The following ACOXL variants were observed in gnomAD, a reference collection of about 807,000 sequenced individuals.
ACOXL encodes acyl-coenzyme A oxidase-like protein.
ACOXL carries 70 observed loss-of-function variants against 71.9 expected under a neutral mutation model. The observed-to-expected ratio is 0.97, with a 90% CI of 0.80 to 1.19. The LOEUF (loss-of-function observed/expected upper bound fraction) is 1.19, where lower values mean the gene tolerates loss of function less well. ACOXL is among the 50% of genes most tolerant of loss of function. ACOXL has a pLI of 0.00. For synonymous variants in ACOXL, 253 were observed against 281.6 expected, an observed-to-expected ratio of 0.90 and a Z score of 1.02; for missense variants, 703 against 736.3, an observed-to-expected ratio of 0.95 and a Z score of 0.52.
chr2:110,784,781 T>C lies in ACOXL; in HGVS notation c.125T>C (p.Val42Ala). ...FVSRSLVIGE[V>A]LSMADMATGV... ...AGCCGAAGCCTTGTCATAGGAGAAGTCCTCTCCATGGCGGACATGGCCACA... is the reference window on the plus strand; with the variant it reads ...AGCCGAAGCCTTGTCATAGGAGAAGCCCTCTCCATGGCGGACATGGCCACA... Residue 42 changes from valine to alanine, a missense_variant, in exon 3 of 18, where the codon GTC becomes GCC. Coordinates refer to ENST00000439055, the MANE Select transcript of ACOXL (RefSeq NM_001142807.4). 1 of 1,609,166 alleles carries C rather than the reference T, an allele frequency of 6.2e-7. No homozygotes were observed. The highest frequency in any genetic ancestry group is 8.5e-7 in the Non-Finnish European group (1 of 1,178,300).
chr2:110,755,031 ATCTC>A (rs768618592), intron 1 of ACOXL, among the ~76,000 whole-genome samples: 30 of 151,400 alleles, frequency 2.0e-4, no homozygotes, highest in Non-Finnish European at 3.8e-4. Flanking sequence ...TCCTAGAGAG[ATCTC>A]TCTCTCTCTC....
chr2:110,968,918 G>C (rs369891578), intron 12 of ACOXL, among the ~76,000 whole-genome samples: 2 of 151,930 alleles, frequency 1.3e-5, no homozygotes, highest in East Asian at 1.9e-4. Flanking sequence ...CTGTATCCTG[G>C]GCCATTAAAA....
intron 14 of ACOXL, among the ~76,000 whole-genome samples, chr2:111,017,061 C>T (rs4848367): frequency 0.9 from 136,767 of 152,232 alleles, 61,695 homozygotes; most frequent in African/African-American, 0.97. Flanking sequence ...TGACATTTTC[C>T]AGCTTACCCT....
intron 2 of ACOXL, among the ~76,000 whole-genome samples, chr2:110,772,769 C>G (rs73956441): frequency 0.014 from 2,167 of 152,302 alleles, 55 homozygotes; most frequent in African/African-American, 0.046. Context: ...CCCCAATACC[C>G]TTTCAGGTGC....
chr2:110,846,879 C>T (rs937046569), intron 10 of ACOXL, among the ~76,000 whole-genome samples: 4 of 152,106 alleles, frequency 2.6e-5, no homozygotes, highest in African/African-American at 4.8e-5. Context: ...CATCATATTT[C>T]GATGGTGTAA....
At chr2:110,847,136 G>A (rs541474102) in intron 10 of ACOXL, among the ~76,000 whole-genome samples, 14 of 152,002 alleles carry the variant, frequency 9.2e-5, no homozygotes, top group African/African-American at 3.4e-4. Context: ...CAGCTCTCGG[G>A]GCCCCATCAC....
intron 12 of ACOXL, among the ~76,000 whole-genome samples, chr2:110,949,966 G>A (rs1020094575): frequency 6.6e-6 from 1 of 152,090 alleles, no homozygotes; most frequent in Admixed American, 6.5e-5. Context: ...GTTAATGAAT[G>A]TTCTACACTT....
At chr2:111,031,540 A>C in intron 14 of ACOXL, 87 bp from the exon 15 acceptor site, 1 of 1,244,156 alleles carries the variant, frequency 8.0e-7, no homozygotes, top group Non-Finnish European at 1.2e-6. Context: ...AGTACTGAAA[A>C]TTTGGATGTT....
At chr2:111,096,224 A>AATTATTATTATTATTATT (rs67800488) in intron 17 of ACOXL, among the ~76,000 whole-genome samples, 11 of 145,266 alleles carry the variant, frequency 7.6e-5, no homozygotes, top group African/African-American at 2.0e-4. Flanking sequence ...TTATTTTTAA[A>AATTATTATTATTATTATT]ATTATTATTA....
At chr2:110,758,821 A>G (rs924533439) in intron 1 of ACOXL, among the ~76,000 whole-genome samples, 1 of 152,198 alleles carries the variant, frequency 6.6e-6, no homozygotes, top group East Asian at 1.9e-4. Context: ...GTAGTGCTAT[A>G]AAGTTCCCTC....
At chr2:110,993,116 C>A (rs1403863583) in intron 13 of ACOXL, among the ~76,000 whole-genome samples, 2 of 152,188 alleles carry the variant, frequency 1.3e-5, no homozygotes, top group South Asian at 2.1e-4. Flanking sequence ...GCATGAGCGT[C>A]ATTAACTACA....
At chr2:111,063,421 A>G (rs2066911782) in intron 16 of ACOXL, among the ~76,000 whole-genome samples, 1 of 152,204 alleles carries the variant, frequency 6.6e-6, no homozygotes, top group Non-Finnish European at 1.5e-5. Flanking sequence ...GAAGAATTAT[A>G]CACTGACCAA....
intron 15 of ACOXL, among the ~76,000 whole-genome samples, chr2:111,032,948 C>A (rs2065341765): frequency 6.6e-6 from 1 of 152,208 alleles, no homozygotes; most frequent in South Asian, 2.1e-4. Flanking sequence ...CCAGCTTCTT[C>A]CTTCCTTCTA....
intron 9 of ACOXL, among the ~76,000 whole-genome samples, chr2:110,833,568 T>C (rs1407317123): frequency 6.6e-6 from 1 of 152,170 alleles, no homozygotes; most frequent in East Asian, 1.9e-4. Context: ...CATTGTGAGA[T>C]ACTGGATAAA....
intron 2 of ACOXL, among the ~76,000 whole-genome samples, chr2:110,775,195 G>C (rs1430344118): frequency 6.6e-6 from 1 of 152,150 alleles, no homozygotes; most frequent in African/African-American, 2.4e-5. Flanking sequence ...CTAAATGTAA[G>C]AGCAAAAACT....
At chr2:110,836,889 A>G (rs928464935) in intron 9 of ACOXL, among the ~76,000 whole-genome samples, 2 of 152,264 alleles carry the variant, frequency 1.3e-5, no homozygotes, top group African/African-American at 2.4e-5. Flanking sequence ...GGCAGGGTGC[A>G]AGGCAGGTTG....
chr2:110,801,810 C>A, intron 8 of ACOXL, 86 bp downstream of exon 8: 1 of 1,152,656 alleles, frequency 8.7e-7, no homozygotes, highest in Non-Finnish European at 1.3e-6. Flanking sequence ...GTCTCATGGG[C>A]TGCATGTCTG....
At chr2:110,767,183 T>G (rs182191602) in intron 1 of ACOXL, among the ~76,000 whole-genome samples, 1 of 152,314 alleles carries the variant, frequency 6.6e-6, no homozygotes, top group Non-Finnish European at 1.5e-5. Flanking sequence ...TCCTACAGGC[T>G]CAGGCTGTGC....
chr2:110,995,935 TC>T lies in ACOXL; in HGVS notation c.1213del (p.Leu405CysfsTer2). 4 of 1,609,976 alleles carry T rather than the reference TC, an allele frequency of 2.5e-6. No individual in the cohort carries two copies. The highest frequency in any genetic ancestry group is 3.4e-6 in the Non-Finnish European group (4 of 1,179,920). On this transcript the variant is annotated frameshift_variant, in exon 14 of 18. Coordinates refer to ENST00000439055, the MANE Select transcript of ACOXL (RefSeq NM_001142807.4). LOFTEE classifies it high-confidence loss of function. ...TGGACACAGTTGATGATCTCGCCTT[TC>T]TGTTGAAAGCAGTGAAATTTCGTGA... ...NMDTVDDLAFLLKAVKFRERV... is the reference protein window; with the variant it reads ...NMDTVDDLAFXLKAVKFRERV...
Sources: allele counts gnomAD v4.1 joint callset (sites outside exome capture counted in the v4.1 genomes callset), GRCh38; gene constraint gnomAD v4.1.1; transcripts MANE v1.5; gene names NCBI Gene and HGNC (gene_info 2026-07-23, HGNC 2026-07-21).